The following FHIT variants were observed in gnomAD, a reference collection of about 807,000 sequenced individuals.
FHIT encodes the protein fragile histidine triad diadenosine triphosphatase.
Under a neutral mutation model 17.9 loss-of-function variants are expected in FHIT, and 19 were observed. The observed-to-expected ratio is 1.06, with a 90% CI of 0.74 to 1.56. FHIT has a LOEUF of 1.56. Ranked by LOEUF, FHIT falls within the 40% of genes most tolerant of loss-of-function variation. The pLI is 0.00. For missense variants in FHIT, 248 were observed against 189.2 expected (o/e 1.31, Z -1.82); for synonymous variants, 81 against 69.7 (o/e 1.16, Z -0.81).
At chr3:59,982,848 C>T (rs1708714481) in intron 7 of FHIT, among the ~76,000 whole-genome samples, 1 of 152,172 alleles carries the variant, frequency 6.6e-6, no homozygotes, top group Non-Finnish European at 1.5e-5. Context: ...GGCTTCTACA[C>T]ATTACTGGCA....
intron 5 of FHIT, among the ~76,000 whole-genome samples, chr3:60,491,205 A>G (rs2034049471): frequency 6.6e-6 from 1 of 152,180 alleles, no homozygotes; most frequent in Non-Finnish European, 1.5e-5. Context: ...AAACAAGTCT[A>G]TTTACATTTC....
chr3:60,055,614 C>G (rs1019895964), intron 5 of FHIT, among the ~76,000 whole-genome samples: 2 of 152,176 alleles, frequency 1.3e-5, no homozygotes, highest in African/African-American at 4.8e-5. Flanking sequence ...ATTTTCTAGG[C>G]ACTGGCCACG....
rs1553756368 is a variant in FHIT at position 60,875,922 on chromosome 3, C to CGTGT, written c.-110-53912_-110-53911insACAC. Among the ~76,000 whole-genome samples, 199 of 61,212 alleles carry CGTGT rather than the reference C, an allele frequency of 3.3e-3. 1 individual carries two copies. Among genetic ancestry groups the CGTGT allele is most frequent in the South Asian group, 0.014 (15 of 1,086 alleles). 40.2% of individuals were successfully genotyped at this position (61,212 alleles called of 152,430 possible). Reference sequence around the variant, plus strand: ...AATTTTTAGCTAAGGAAAACTTATTCATGTGTGTGTGTGTGTGTGTGTGTG... The same window carrying CGTGT: ...AATTTTTAGCTAAGGAAAACTTATTCGTGTATGTGTGTGTGTGTGTGTGTGTGTG... On this transcript the variant is annotated intron_variant, in intron 3 of 9. Coordinates refer to ENST00000492590, the MANE Select transcript of FHIT (RefSeq NM_002012.4).
At chr3:60,618,640 C>T (rs926713075) in intron 4 of FHIT, among the ~76,000 whole-genome samples, 3 of 152,136 alleles carry the variant, frequency 2.0e-5, no homozygotes, top group South Asian at 2.1e-4. Flanking sequence ...AAGATGTCAA[C>T]GTTTTAATTT....
At chr3:60,843,181 A>G (rs939275610) in intron 3 of FHIT, among the ~76,000 whole-genome samples, 1 of 152,176 alleles carries the variant, frequency 6.6e-6, no homozygotes, top group Non-Finnish European at 1.5e-5. Flanking sequence ...ACTGGGAACC[A>G]CAAGCTAAAA....
At chr3:60,145,405 G>A (rs1408609724) in intron 5 of FHIT, among the ~76,000 whole-genome samples, 1 of 152,088 alleles carries the variant, frequency 6.6e-6, no homozygotes, top group African/African-American at 2.4e-5. Context: ...ATAATAGCCA[G>A]CAACAAATTA....
At chr3:60,546,100 AT>A (rs140078762) in intron 4 of FHIT, among the ~76,000 whole-genome samples, 2 of 151,542 alleles carry the variant, frequency 1.3e-5, no homozygotes, top group South Asian at 2.1e-4. Flanking sequence ...GTTCTCTTGA[AT>A]TTTTTTTTAA....
At chr3:60,298,031 C>T (rs1708290515) in intron 5 of FHIT, among the ~76,000 whole-genome samples, 1 of 151,994 alleles carries the variant, frequency 6.6e-6, no homozygotes, top group South Asian at 2.1e-4. Flanking sequence ...GATATACAAC[C>T]AGATGGAAGA....
At chr3:60,125,374 G>C (rs1230542093) in intron 5 of FHIT, among the ~76,000 whole-genome samples, 1 of 152,192 alleles carries the variant, frequency 6.6e-6, no homozygotes, top group Non-Finnish European at 1.5e-5. Flanking sequence ...GCTTACGCCT[G>C]TAATTCCAGC....
chr3:61,040,490 T>C (rs1417447436), intron 3 of FHIT, among the ~76,000 whole-genome samples: 1 of 152,240 alleles, frequency 6.6e-6, no homozygotes, highest in Non-Finnish European at 1.5e-5. Context: ...TAAGCTAGAC[T>C]ATCTAATTTG....
intron 3 of FHIT, among the ~76,000 whole-genome samples, chr3:60,870,982 C>T (rs1704391902): frequency 6.6e-6 from 1 of 152,070 alleles, no homozygotes. Context: ...TTGATGTCTA[C>T]ATTTGTTACC....
chr3:60,460,185 C>G (rs1274060051), intron 5 of FHIT, among the ~76,000 whole-genome samples: 5 of 152,140 alleles, frequency 3.3e-5, no homozygotes, highest in Non-Finnish European at 5.9e-5. Context: ...CCTCACTTAC[C>G]TTTCGGGGGG....
chr3:60,796,783 T>C (rs567914309), intron 4 of FHIT, among the ~76,000 whole-genome samples: 119 of 152,308 alleles, frequency 7.8e-4, no homozygotes, highest in African/African-American at 2.6e-3. Context: ...CGTTTCACCA[T>C]GTTGGCCAGG....
chr3:60,776,939 G>A (rs903786938), intron 4 of FHIT, among the ~76,000 whole-genome samples: 1 of 152,172 alleles, frequency 6.6e-6, no homozygotes, highest in Non-Finnish European at 1.5e-5. Flanking sequence ...TGAACATACT[G>A]ACTACATTCA....
chr3:59,798,946 C>A (rs1268553059), intron 8 of FHIT, among the ~76,000 whole-genome samples: 1 of 152,170 alleles, frequency 6.6e-6, no homozygotes, highest in East Asian at 1.9e-4. Context: ...GGGAGGGTAG[C>A]CTCTGCTAAC....
At chr3:60,398,328 T>C (rs1301347534) in intron 5 of FHIT, among the ~76,000 whole-genome samples, 1 of 152,096 alleles carries the variant, frequency 6.6e-6, no homozygotes, top group Admixed American at 6.5e-5. Context: ...TGAGGTATAA[T>C]GCTAGAAAGG....
intron 7 of FHIT, among the ~76,000 whole-genome samples, chr3:59,940,372 A>G (rs1706454146): frequency 1.3e-5 from 2 of 152,172 alleles, no homozygotes; most frequent in South Asian, 4.1e-4. Context: ...TAAGGACTTT[A>G]CCATTGTTTT....
At chr3:60,161,099 C>A (rs1166087073) in intron 5 of FHIT, among the ~76,000 whole-genome samples, 4 of 152,164 alleles carry the variant, frequency 2.6e-5, no homozygotes, top group Non-Finnish European at 4.4e-5. Context: ...AGCCATATAC[C>A]TCCTAACGAG....
chr3:61,230,445 C>G (rs934817119), intron 1 of FHIT, among the ~76,000 whole-genome samples: 3 of 152,136 alleles, frequency 2.0e-5, no homozygotes, highest in African/African-American at 4.8e-5. Flanking sequence ...GAAGCCTCCC[C>G]CAAAATGGAG....
Sources: gnomAD v4.1 joint callset for allele counts (sites outside exome capture counted in the v4.1 genomes callset) on GRCh38, gnomAD v4.1.1 for gene constraint, MANE v1.5 for transcripts, NCBI Gene and HGNC (gene_info 2026-07-23, HGNC 2026-07-21) for gene names.